The following APPL2 variants were observed in gnomAD, a reference collection of about 807,000 sequenced individuals.
APPL2 encodes DCC-interacting protein 13-beta.
Under a neutral mutation model 92.7 loss-of-function variants are expected in APPL2, and 84 were observed. The observed-to-expected ratio is 0.91, with a 90% CI of 0.76 to 1.09. The LOEUF is 1.09. Among genes scored for constraint, APPL2 ranks in the 50% least tolerant of loss-of-function variants. The pLI, the probability that APPL2 is intolerant of heterozygous loss-of-function variation, is 0.00. For synonymous variants in APPL2, 291 were observed against 291.0 expected, an observed-to-expected ratio of 1.00 and a Z score of 0.00; for missense variants, 736 against 824.5, an observed-to-expected ratio of 0.89 and a Z score of 1.31.
chr12:105,228,852 G>A (rs1890713051), intron 2 of APPL2, among the ~76,000 whole-genome samples: 1 of 151,814 alleles, frequency 6.6e-6, no homozygotes, highest in Non-Finnish European at 1.5e-5. Context: ...AGACTCAAAT[G>A]TTTCCCACTG....
At chr12:105,202,837 CTG>C (rs1323426065) in intron 9 of APPL2, among the ~76,000 whole-genome samples, 1 of 152,166 alleles carries the variant, frequency 6.6e-6, no homozygotes, top group Non-Finnish European at 1.5e-5. Flanking sequence ...TTTCTTGGGA[CTG>C]ATTATTTTTG....
chr12:105,223,679 T>C (rs781161486), intron 2 of APPL2, among the ~76,000 whole-genome samples: 14 of 152,202 alleles, frequency 9.2e-5, no homozygotes, highest in Non-Finnish European at 1.5e-4. Flanking sequence ...AGATGGCACA[T>C]ACTGCTGTTC....
At chr12:105,189,205 A>AT (rs1467835293) in intron 16 of APPL2, among the ~76,000 whole-genome samples, 1 of 151,740 alleles carries the variant, frequency 6.6e-6, no homozygotes, top group Non-Finnish European at 1.5e-5. Context: ...ATATATATAT[A>AT]TTTTTGTAGA....
intron 2 of APPL2, among the ~76,000 whole-genome samples, chr12:105,223,142 G>A (rs1338834462): frequency 2.6e-5 from 4 of 152,216 alleles, no homozygotes; most frequent in African/African-American, 4.8e-5. Context: ...ATGAGGAGGT[G>A]ACGGGAAGGT....
At chr12:105,177,372 G>A in intron 17 of APPL2, 110 bp from the exon 18 acceptor site, 1 of 1,182,036 alleles carries the variant, frequency 8.5e-7, no homozygotes, top group Non-Finnish European at 1.2e-6. Flanking sequence ...TAGAGATAAA[G>A]CCTGTTAGAG....
At chr12:105,191,270 T>C (rs1032276943) in intron 14 of APPL2, among the ~76,000 whole-genome samples, 7 of 152,158 alleles carry the variant, frequency 4.6e-5, no homozygotes, top group African/African-American at 7.2e-5. Context: ...CTGGAGAAAT[T>C]GAGCAGTTTT....
intron 9 of APPL2, among the ~76,000 whole-genome samples, chr12:105,202,259 G>A (rs538090683): frequency 5.9e-5 from 9 of 152,258 alleles, no homozygotes; most frequent in East Asian, 5.8e-4. Context: ...CATGTAGCCC[G>A]GGCGCAGACC....
intron 2 of APPL2, among the ~76,000 whole-genome samples, chr12:105,224,198 A>G (rs1162207308): frequency 1.3e-5 from 2 of 152,194 alleles, no homozygotes; most frequent in Admixed American, 1.3e-4. Flanking sequence ...GCTCCCTCCG[A>G]CCTTAAGCTA....
intron 17 of APPL2, among the ~76,000 whole-genome samples, chr12:105,180,573 C>T (rs1207435834): frequency 4.6e-5 from 7 of 152,128 alleles, no homozygotes; most frequent in East Asian, 3.8e-4. Context: ...GCCATTTTCA[C>T]GATATTGATT....
At position 105,188,457 on chromosome 12, in the gene APPL2, A is replaced by G. The variant is rs1289238236; in HGVS notation, c.1460-10T>C. ...TGCTGCAAAAGAGAATCTGGAAGAC[A>G]GCATTTTCCACTCAGGATCTCATTT... On this transcript the variant is annotated splice_polypyrimidine_tract_variant and intron_variant, in intron 16 of 20. Transcript: ENST00000258530. The G allele has an allele frequency of 6.2e-7, 1 of 1,613,590 alleles. No homozygotes were observed. The highest frequency in any genetic ancestry group is 8.5e-7 in the Non-Finnish European group (1 of 1,179,728).
chr12:105,204,926 A>C (rs912375222), intron 8 of APPL2, among the ~76,000 whole-genome samples: 2 of 152,180 alleles, frequency 1.3e-5, no homozygotes, highest in Admixed American at 6.5e-5. Flanking sequence ...CGTTCTCAAA[A>C]ACCTGCGCAC....
At chr12:105,218,593 C>T (rs1362778302) in intron 2 of APPL2, among the ~76,000 whole-genome samples, 1 of 152,198 alleles carries the variant, frequency 6.6e-6, no homozygotes, top group Non-Finnish European at 1.5e-5. Flanking sequence ...CTGAACAGCT[C>T]TGAAGTGGAG....
At chr12:105,222,935 A>AG in intron 2 of APPL2, among the ~76,000 whole-genome samples, 1 of 152,330 alleles carries the variant, frequency 6.6e-6, no homozygotes, top group South Asian at 2.1e-4. Context: ...CCAGGGCAAC[A>AG]GGTTAATAAA....
intron 8 of APPL2, 32 bp downstream of exon 8, chr12:105,207,029 A>G: frequency 6.2e-7 from 1 of 1,602,162 alleles, no homozygotes; most frequent in Admixed American, 1.8e-5. Flanking sequence ...CAGCTAGCTT[A>G]GGTTTCAGCC....
chr12:105,230,999 C>A (rs1219287937), intron 1 of APPL2, among the ~76,000 whole-genome samples: 3 of 152,188 alleles, frequency 2.0e-5, no homozygotes, highest in Non-Finnish European at 4.4e-5. Context: ...TACATCAGGA[C>A]CTGAACAAAG....
In APPL2 at chr12:105,188,388, C is replaced by T. The variant is rs754014477; in HGVS notation, c.1519G>A (p.Asp507Asn). 4.3e-6 allele frequency: 7 copies of T among 1,614,070 alleles called. No individual in the cohort carries two copies. The East Asian group carries it at 1.3e-4, about 31-fold the overall frequency. The change falls in exon 17 of 21, where the codon GAC (aspartate) becomes AAC (asparagine). Residue 507 changes from aspartate (D) to asparagine (N), a missense_variant. By Grantham distance (23) the Asp-to-Asn change is conservative. Coordinates refer to ENST00000258530, the MANE Select transcript of APPL2 (RefSeq NM_018171.5). ...TCATAAATCACTTCAGTAGTGCTGT[C>T]TGTTTTAACTGCCATTGATCCCAAA... Reference protein sequence around the residue: ...RFLGSMAVKTDSTTEVIYEAM... With the variant: ...RFLGSMAVKTNSTTEVIYEAM...
At position 105,178,147 on chromosome 12, in the gene APPL2, TA is replaced by T. The variant is rs369043545; in HGVS notation, c.1635-886del. Reference sequence around the variant, plus strand: ...GCATCATCTAATAATCAGGTTGACATATCCTAGAAAATAAACTATATGAGAG... The same window carrying T: ...GCATCATCTAATAATCAGGTTGACATTCCTAGAAAATAAACTATATGAGAG... On this transcript the variant is annotated intron_variant, in intron 17 of 20. Transcript: ENST00000258530. Among the ~76,000 whole-genome samples, 53 of 152,326 alleles carry T rather than the reference TA, an allele frequency of 3.5e-4. 1 individual carries two copies. Among genetic ancestry groups the T allele is most frequent in the Middle Eastern group, 3.4e-3 (1 of 294 alleles).
chr12:105,203,456 C>T, intron 9 of APPL2: 1 of 470,358 alleles, frequency 2.1e-6, no homozygotes. Flanking sequence ...AAGCTGGGTT[C>T]CCAGGCTTGT....
At position 105,221,673 on chromosome 12, in the gene APPL2, T is replaced by C. The variant is rs375951245; in HGVS notation, c.154-3948A>G. ...TGGAGTTCCATGAGCAGCATTGTTT[T>C]GGGCACTCTGGGCCGCTCTGGCTGC... On this transcript the variant is annotated intron_variant, in intron 2 of 20. Coordinates refer to ENST00000258530, the MANE Select transcript of APPL2 (RefSeq NM_018171.5). Among the ~76,000 whole-genome samples, 3 of 152,178 alleles carry C rather than the reference T, an allele frequency of 2.0e-5. No homozygotes were observed. The East Asian group carries it at 5.8e-4, about 29-fold the overall frequency.
Sources: gnomAD v4.1 joint callset for allele counts (sites outside exome capture counted in the v4.1 genomes callset) on GRCh38, gnomAD v4.1.1 for gene constraint, MANE v1.5 for transcripts, NCBI Gene and HGNC (gene_info 2026-07-23, HGNC 2026-07-21) for gene names.